NUSAP1: variants seen among roughly 807,000 people sequenced by gnomAD.
NUSAP1 encodes the protein nucleolar and spindle-associated protein 1.
A neutral mutation model predicts 52.8 loss-of-function variants in NUSAP1; 32 were observed. That is an observed-to-expected ratio of 0.61 (90% CI 0.46 to 0.81). The LOEUF (loss-of-function observed/expected upper bound fraction) is 0.81. Among genes scored for constraint, NUSAP1 ranks in the 40% least tolerant of loss-of-function variants. The pLI, the probability that NUSAP1 is intolerant of heterozygous loss-of-function variation, is 0.00. For synonymous variants in NUSAP1, 195 were observed against 183.1 expected (o/e 1.06, Z -0.52); for missense variants, 499 against 522.3 (o/e 0.96, Z 0.43).
chr15:41,362,336 A>T (rs186137926), intron 6 of NUSAP1, among the ~76,000 whole-genome samples: 29 of 150,376 alleles, frequency 1.9e-4, no homozygotes, highest in African/African-American at 7.1e-4. Flanking sequence ...TTTTATGCAG[A>T]TTTGCTTTTT....
chr15:41,363,106 G>A (rs2049244855), intron 6 of NUSAP1, among the ~76,000 whole-genome samples: 2 of 151,926 alleles, frequency 1.3e-5, no homozygotes. Flanking sequence ...GCCCAACATG[G>A]CGAAACCCCG....
intron 7 of NUSAP1, among the ~76,000 whole-genome samples, chr15:41,366,619 A>G (rs906641070): frequency 3.3e-5 from 5 of 152,036 alleles, no homozygotes; most frequent in African/African-American, 4.8e-5. Flanking sequence ...TTCTCATTCA[A>G]ATCATGAATT....
chr15:41,369,584 G>T (rs1320222998), intron 7 of NUSAP1, among the ~76,000 whole-genome samples: 1 of 151,678 alleles, frequency 6.6e-6, no homozygotes, highest in Admixed American at 6.6e-5. Context: ...GGAGGTGGAG[G>T]TTTCAGTGAG....
intron 3 of NUSAP1, 143 bp downstream of exon 3, chr15:41,349,384 C>A: frequency 1.3e-6 from 1 of 756,656 alleles, no homozygotes. Context: ...AGCCCAGACC[C>A]AAGTCCAGCT....
chr15:41,342,426 A>T lies in NUSAP1; in HGVS notation c.134A>T (p.His45Leu). The change falls in exon 2 of 11, where the codon CAT becomes CTT. Residue 45 changes from histidine to leucine, a missense_variant. His to Leu is a moderately conservative substitution (Grantham distance 99). Transcript: ENST00000559596. ...LLKALKGYIK[H>L]EARKGNENQD... ...AAAGCCTTGAAAGGCTACATTAAAC[A>T]TGAGGCAAGAAAAGGAAATGAGAAT... The T allele has an allele frequency of 6.3e-7, 1 of 1,594,720 alleles. No individual in the cohort carries two copies. The highest frequency in any genetic ancestry group is 1.3e-5 in the African/African-American group (1 of 74,634).
chr15:41,360,887 C>G (rs540493672), intron 6 of NUSAP1, among the ~76,000 whole-genome samples: 1 of 151,624 alleles, frequency 6.6e-6, no homozygotes, highest in African/African-American at 2.4e-5. Context: ...CTGCACCTCC[C>G]GGGTTCGACA....
chr15:41,341,768 A>G (rs2048375062), intron 1 of NUSAP1, among the ~76,000 whole-genome samples: 1 of 152,230 alleles, frequency 6.6e-6, no homozygotes, highest in African/African-American at 2.4e-5. Flanking sequence ...TGAGTAATGC[A>G]AAATTGGTCA....
At chr15:41,355,930 G>A (rs766617328) in intron 4 of NUSAP1, 109 bp from the exon 5 acceptor site, 225 of 629,106 alleles carry the variant, frequency 3.6e-4, no homozygotes, top group Non-Finnish European at 5.0e-4. Context: ...CACCCGCCTC[G>A]GCCTCCCAAA....
At chr15:41,337,697 A>C (rs2048209618) in intron 1 of NUSAP1, among the ~76,000 whole-genome samples, 1 of 152,048 alleles carries the variant, frequency 6.6e-6, no homozygotes, top group Non-Finnish European at 1.5e-5. Context: ...TATCAGTAGC[A>C]TTTGGCATGA....
At chr15:41,341,290 C>A (rs2048357872) in intron 1 of NUSAP1, among the ~76,000 whole-genome samples, 1 of 151,974 alleles carries the variant, frequency 6.6e-6, no homozygotes, top group South Asian at 2.1e-4. Flanking sequence ...GGTCTAAAAC[C>A]CCTGACCTCG....
chr15:41,341,122 G>A (rs1205281272), intron 1 of NUSAP1, among the ~76,000 whole-genome samples: 2 of 152,138 alleles, frequency 1.3e-5, no homozygotes, highest in Non-Finnish European at 2.9e-5. Flanking sequence ...GAGTGCAGTG[G>A]CATCATCTCC....
chr15:41,347,436 T>G (rs1050241356), intron 2 of NUSAP1, among the ~76,000 whole-genome samples: 3 of 152,142 alleles, frequency 2.0e-5, no homozygotes, highest in Non-Finnish European at 4.4e-5. Context: ...AATGGCCTCC[T>G]CCCTAACCAA....
intron 8 of NUSAP1, among the ~76,000 whole-genome samples, 180 bp from the exon 9 acceptor site, chr15:41,375,532 T>C (rs538031651): frequency 6.6e-6 from 1 of 152,098 alleles, no homozygotes; most frequent in South Asian, 2.1e-4. Flanking sequence ...AGGATGGTCT[T>C]GATCTCCTGA....
intron 6 of NUSAP1, among the ~76,000 whole-genome samples, chr15:41,359,991 C>T (rs1189968133): frequency 6.6e-6 from 1 of 151,788 alleles, no homozygotes; most frequent in Admixed American, 6.6e-5. Flanking sequence ...CTCAGTCTCA[C>T]TCTGTCACCC....
intron 1 of NUSAP1, among the ~76,000 whole-genome samples, chr15:41,341,709 C>T (rs141781952): frequency 6.6e-6 from 1 of 152,336 alleles, no homozygotes; most frequent in East Asian, 1.9e-4. Context: ...ATTTCTGGCT[C>T]ATCCCCATCA....
At chr15:41,354,506 A>C (rs1349753762) in intron 4 of NUSAP1, among the ~76,000 whole-genome samples, 1 of 151,858 alleles carries the variant, frequency 6.6e-6, no homozygotes, top group Non-Finnish European at 1.5e-5. Context: ...CCGTCTCAAA[A>C]CAAACAAATG....
intron 2 of NUSAP1, among the ~76,000 whole-genome samples, chr15:41,347,473 C>T (rs1170508373): frequency 2.0e-5 from 3 of 152,136 alleles, no homozygotes; most frequent in Non-Finnish European, 4.4e-5. Flanking sequence ...ACACACATTT[C>T]CTGCACACTC....
chr15:41,349,451 T>G, intron 3 of NUSAP1: 1 of 460,146 alleles, frequency 2.2e-6, no homozygotes, highest in South Asian at 3.5e-5. Flanking sequence ...AGTATTAAGC[T>G]CACATTAAAT....
At chr15:41,378,924 G>C (rs923905072) in intron 10 of NUSAP1, among the ~76,000 whole-genome samples, 5 of 109,616 alleles carry the variant, frequency 4.6e-5, no homozygotes, top group African/African-American at 7.0e-5. Context: ...AAAAGCCCAA[G>C]ATTATATTAA....
Sources: gnomAD v4.1 joint callset for allele counts (sites outside exome capture counted in the v4.1 genomes callset) on GRCh38, gnomAD v4.1.1 for gene constraint, MANE v1.5 for transcripts, NCBI Gene and HGNC (gene_info 2026-07-23, HGNC 2026-07-21) for gene names.